Variants in CARMIL1 observed in about 807,000 individuals in gnomAD.
The protein encoded by CARMIL1 is capping protein regulator and myosin 1 linker 1, also known as F-actin-uncapping protein LRRC16A.
CARMIL1 carries 90 observed loss-of-function variants against 177.1 expected under a neutral mutation model. That is an observed-to-expected ratio of 0.51 (90% CI 0.43 to 0.61). The LOEUF is 0.61. Among genes scored for constraint, CARMIL1 ranks in the 20% least tolerant of loss-of-function variants. The pLI is 0.00. For synonymous variants in CARMIL1, 577 were observed against 606.2 expected (o/e 0.95, Z 0.71); for missense variants, 1,380 against 1,667.0 (o/e 0.83, Z 3.00).
intron 17 of CARMIL1, among the ~76,000 whole-genome samples, chr6:25,506,838 A>G (rs535583008): frequency 6.6e-6 from 1 of 152,354 alleles, no homozygotes; most frequent in South Asian, 2.1e-4. Flanking sequence ...GACAAATGAT[A>G]TTAAGGAAGG....
chr6:25,417,213 T>G (rs1027328343), intron 2 of CARMIL1, among the ~76,000 whole-genome samples: 9 of 152,172 alleles, frequency 5.9e-5, no homozygotes, highest in African/African-American at 2.2e-4. Flanking sequence ...AGTTCTAATC[T>G]TGTATTCCGC....
intron 12 of CARMIL1, among the ~76,000 whole-genome samples, chr6:25,485,642 C>T (rs150273336): frequency 9.5e-4 from 144 of 152,236 alleles, no homozygotes; most frequent in African/African-American, 3.3e-3. Context: ...GCCATGTTGG[C>T]TAGGCTGGTC....
At chr6:25,348,566 G>A (rs1366559823) in intron 2 of CARMIL1, among the ~76,000 whole-genome samples, 2 of 151,606 alleles carry the variant, frequency 1.3e-5, no homozygotes, top group Admixed American at 1.3e-4. Flanking sequence ...GGCGGATCAC[G>A]AGGTCAGGAG....
At chr6:25,564,776 T>TA (rs761311903) in intron 29 of CARMIL1, among the ~76,000 whole-genome samples, 31 of 148,726 alleles carry the variant, frequency 2.1e-4, no homozygotes, top group South Asian at 4.2e-4. Flanking sequence ...CTTTACTCAT[T>TA]AAAAAAAAAA....
At chr6:25,471,773 A>G (rs556310266) in intron 10 of CARMIL1, among the ~76,000 whole-genome samples, 1 of 152,106 alleles carries the variant, frequency 6.6e-6, no homozygotes, top group East Asian at 1.9e-4. Flanking sequence ...AGTTTTAGTC[A>G]TTTTTTCTCC....
rs574191905 is a variant in CARMIL1, at chr6:25,507,657, A to G, written c.1396-1999A>G. The stretch of plus-strand genomic sequence containing the variant: ...TATTTTCTATTTCTATAAATGGAAT[A>G]TTTTTACTGTACTTTACAATGATAG... On this transcript the variant is annotated intron_variant, in intron 17 of 36. Transcript: ENST00000329474. Among the ~76,000 whole-genome samples the G allele has an allele frequency of 2.6e-5, 4 of 152,320 alleles. No homozygotes were observed. In the East Asian group the frequency reaches 7.7e-4, roughly 29 times the overall value.
At chr6:25,285,781 A>G (rs1781472938) in intron 2 of CARMIL1, among the ~76,000 whole-genome samples, 2 of 151,784 alleles carry the variant, frequency 1.3e-5, no homozygotes, top group South Asian at 2.1e-4. Flanking sequence ...TATCTTCCCC[A>G]TGGTGTTTGT....
chr6:25,403,383 C>A (rs753229442), intron 2 of CARMIL1, among the ~76,000 whole-genome samples: 4 of 152,158 alleles, frequency 2.6e-5, no homozygotes, highest in Non-Finnish European at 5.9e-5. Flanking sequence ...CCTGCCTGAG[C>A]TCCCTGCTTC....
intron 34 of CARMIL1, 75 bp downstream of exon 34, chr6:25,604,968 A>G (rs1815806741): frequency 1.6e-6 from 2 of 1,255,130 alleles, no homozygotes; most frequent in African/African-American, 1.5e-5. Flanking sequence ...TGATTGACAG[A>G]AGAAAAATTT....
intron 6 of CARMIL1, 27 bp downstream of exon 6, chr6:25,450,022 G>A: frequency 1.3e-6 from 2 of 1,546,924 alleles, no homozygotes; most frequent in Non-Finnish European, 1.8e-6. Context: ...AAACTGAAAT[G>A]TGAATAGCTG....
At position 25,559,479 on chromosome 6, in the gene CARMIL1, A is replaced by G. The variant is rs993968205; in HGVS notation, c.2742+2629A>G. On this transcript the variant is annotated intron_variant, in intron 29 of 36. Transcript: ENST00000329474. ...AAGATTAACTGTTGTGTAGAAAACT[A>G]TCAGAAGGGCAAGTACATAAGTACA... Among the ~76,000 whole-genome samples the G allele has an allele frequency of 1.1e-4, 17 of 152,236 alleles. No individual in the cohort carries two copies. In the South Asian group the frequency reaches 2.7e-3, roughly 24 times the overall value.
chr6:25,319,215 A>T (rs1193984862), intron 2 of CARMIL1, among the ~76,000 whole-genome samples: 1 of 152,194 alleles, frequency 6.6e-6, no homozygotes, highest in Non-Finnish European at 1.5e-5. Context: ...ATTTATTCAG[A>T]GAAATCCTTT....
intron 2 of CARMIL1, among the ~76,000 whole-genome samples, chr6:25,349,694 C>G (rs1356255366): frequency 6.6e-6 from 1 of 151,794 alleles, no homozygotes; most frequent in Non-Finnish European, 1.5e-5. Context: ...CCCACCCTCC[C>G]AATACTGCCC....
chr6:25,393,360 G>A (rs111793813), intron 2 of CARMIL1: 20,651 of 151,486 alleles, frequency 0.14, 1,603 homozygotes, highest in East Asian at 0.31. Flanking sequence ...AGTTCAAGAC[G>A]AGCCTGACCA....
intron 8 of CARMIL1, among the ~76,000 whole-genome samples, chr6:25,451,132 C>A (rs1798872813): frequency 6.6e-6 from 1 of 150,392 alleles, no homozygotes; most frequent in Non-Finnish European, 1.5e-5. Flanking sequence ...TTTTGCCTTT[C>A]AAGTTATAGT....
chr6:25,338,296 A>G (rs1222186860), intron 2 of CARMIL1, among the ~76,000 whole-genome samples: 1 of 137,550 alleles, frequency 7.3e-6, no homozygotes, highest in Non-Finnish European at 1.6e-5. Context: ...AGTATAAAAA[A>G]AGGGGCACTG....
chr6:25,559,438 C>G (rs764450625), intron 29 of CARMIL1, among the ~76,000 whole-genome samples: 1 of 152,004 alleles, frequency 6.6e-6, no homozygotes. Flanking sequence ...TTAAGTGATC[C>G]GGAAAGTTAG....
intron 2 of CARMIL1, among the ~76,000 whole-genome samples, chr6:25,398,824 C>T (rs913175889): frequency 2.6e-5 from 4 of 152,162 alleles, no homozygotes; most frequent in Non-Finnish European, 1.5e-5. Context: ...AGGAGAGGCT[C>T]ACCTCATGGG....
At chr6:25,429,665 A>G (rs1796565486) in intron 4 of CARMIL1, among the ~76,000 whole-genome samples, 1 of 152,036 alleles carries the variant, frequency 6.6e-6, no homozygotes, top group Non-Finnish European at 1.5e-5. Context: ...GTTTGTTCAG[A>G]GTTTTAATCA....
Sources: allele counts gnomAD v4.1 joint callset (sites outside exome capture counted in the v4.1 genomes callset), GRCh38; gene constraint gnomAD v4.1.1; transcripts MANE v1.5; gene names NCBI Gene and HGNC (gene_info 2026-07-23, HGNC 2026-07-21).